The following FRMD6 variants were observed in gnomAD, a reference collection of about 807,000 sequenced individuals.
The protein encoded by FRMD6 is FERM domain-containing protein 6.
Under a neutral mutation model 73.2 loss-of-function variants are expected in FRMD6, and 37 were observed. The observed-to-expected ratio is 0.51, with a 90% CI of 0.39 to 0.66. FRMD6 has a LOEUF of 0.66. Ranked by LOEUF, FRMD6 falls within the 30% of genes least tolerant of loss-of-function variation. The pLI is 0.00. For synonymous variants in FRMD6, 273 were observed against 282.2 expected, an observed-to-expected ratio of 0.97 and a Z score of 0.33; for missense variants, 714 against 780.5, an observed-to-expected ratio of 0.91 and a Z score of 1.02.
the FRMD6 span, among the ~76,000 whole-genome samples, chr14:51,419,053 G>A: frequency 3.9e-5 from 6 of 152,170 alleles, no homozygotes; most frequent in African/African-American, 2.4e-5. Flanking sequence ...TATTTGGGTG[G>A]GAGTGTCCTG....
At chr14:51,676,816 C>G (rs995645016) in intron 1 of FRMD6, among the ~76,000 whole-genome samples, 7 of 152,120 alleles carry the variant, frequency 4.6e-5, no homozygotes, top group Admixed American at 1.3e-4. Flanking sequence ...CATCCTACCT[C>G]CAGCCTCCCC....
chr14:51,469,130 C>T, the FRMD6 span, among the ~76,000 whole-genome samples: 4 of 151,432 alleles, frequency 2.6e-5, no homozygotes, highest in African/African-American at 4.8e-5. Context: ...TTAGTAGAGA[C>T]GGGGTTTCAC....
At chr14:51,479,433 G>A in the FRMD6 span, among the ~76,000 whole-genome samples, 1 of 152,146 alleles carries the variant, frequency 6.6e-6, no homozygotes, top group African/African-American at 2.4e-5. Flanking sequence ...AGCTGTGTAG[G>A]AGGCACAGGA....
intron 1 of FRMD6, among the ~76,000 whole-genome samples, chr14:51,672,935 G>A (rs999606671): frequency 6.6e-6 from 1 of 152,066 alleles, no homozygotes; most frequent in Non-Finnish European, 1.5e-5. Flanking sequence ...GCATTAAAGA[G>A]TTTGGACCTT....
chr14:51,603,000 C>T (rs564220144), intron 2 of FRMD6, among the ~76,000 whole-genome samples: 97 of 152,248 alleles, frequency 6.4e-4, no homozygotes, highest in African/African-American at 2.2e-3. Flanking sequence ...TCCTAACTCC[C>T]AAGGTATTAG....
At chr14:51,618,495 C>T (rs974552127) in intron 2 of FRMD6, among the ~76,000 whole-genome samples, 1 of 152,134 alleles carries the variant, frequency 6.6e-6, no homozygotes, top group Admixed American at 6.6e-5. Context: ...TGCGAGACTA[C>T]TGATGAGTGG....
chr14:51,462,727 C>A, the FRMD6 span, among the ~76,000 whole-genome samples: 2 of 149,598 alleles, frequency 1.3e-5, no homozygotes, highest in East Asian at 2.0e-4. Context: ...TTGTGAAGAC[C>A]CATAAGATCA....
chr14:51,706,295 T>G (rs1002699341), intron 6 of FRMD6, among the ~76,000 whole-genome samples: 90 of 152,110 alleles, frequency 5.9e-4, no homozygotes, highest in African/African-American at 2.1e-3. Context: ...CTGCTGTTTC[T>G]AGGTTCGTGT....
chr14:51,646,199 T>C (rs924761726), intron 2 of FRMD6, among the ~76,000 whole-genome samples: 4 of 151,194 alleles, frequency 2.6e-5, no homozygotes, highest in Admixed American at 1.3e-4. Context: ...GCGCCTGTAG[T>C]CTCGGCTACT....
chr14:51,669,925 A>G (rs1404288029), intron 1 of FRMD6, among the ~76,000 whole-genome samples: 2 of 151,892 alleles, frequency 1.3e-5, no homozygotes, highest in Non-Finnish European at 2.9e-5. Flanking sequence ...TAAGTTTTCT[A>G]TGACTTTTAG....
At chr14:51,439,743 C>T in the FRMD6 span, among the ~76,000 whole-genome samples, 7 of 152,228 alleles carry the variant, frequency 4.6e-5, no homozygotes, top group African/African-American at 1.4e-4. Flanking sequence ...AGGCTGTAGG[C>T]GTTTTTTGAG....
chr14:51,414,804 A>G, the FRMD6 span, among the ~76,000 whole-genome samples: 2 of 151,588 alleles, frequency 1.3e-5, no homozygotes, highest in Non-Finnish European at 3.0e-5. Context: ...ATGTTCTTCC[A>G]TTTGTGTCCT....
chr14:51,401,318 A>C, the FRMD6 span, among the ~76,000 whole-genome samples: 2 of 152,168 alleles, frequency 1.3e-5, no homozygotes, highest in Non-Finnish European at 2.9e-5. Flanking sequence ...AATTCAACCC[A>C]TTTTGTTTTA....
At chr14:51,510,273 T>C (rs1884222517) in intron 1 of FRMD6, among the ~76,000 whole-genome samples, 1 of 152,198 alleles carries the variant, frequency 6.6e-6, no homozygotes, top group Non-Finnish European at 1.5e-5. Flanking sequence ...GGCAGATAAC[T>C]TGAGCAAGGT....
At chr14:51,566,314 T>C (rs1373897785) in intron 1 of FRMD6, among the ~76,000 whole-genome samples, 1 of 152,230 alleles carries the variant, frequency 6.6e-6, no homozygotes. Flanking sequence ...GACACATACA[T>C]TTCCTCAGAG....
intron 1 of FRMD6, among the ~76,000 whole-genome samples, chr14:51,683,766 G>T (rs1894970823): frequency 6.6e-6 from 1 of 152,138 alleles, no homozygotes; most frequent in Non-Finnish European, 1.5e-5. Context: ...AGCAGGTGTT[G>T]TGGAATCCAG....
At chr14:51,583,734 T>C (rs1291991980) in intron 2 of FRMD6, among the ~76,000 whole-genome samples, 1 of 152,198 alleles carries the variant, frequency 6.6e-6, no homozygotes, top group African/African-American at 2.4e-5. Flanking sequence ...ACCATGTGTA[T>C]ACACTTTCTG....
chr14:51,420,310 A>G, the FRMD6 span, among the ~76,000 whole-genome samples: 4 of 152,236 alleles, frequency 2.6e-5, no homozygotes, highest in African/African-American at 7.2e-5. Flanking sequence ...TTTGGGCACT[A>G]TAACAACAAA....
intron 8 of FRMD6, 130 bp from the exon 9 acceptor site, chr14:51,712,353 C>T: frequency 1.6e-6 from 1 of 643,826 alleles, no homozygotes; most frequent in Non-Finnish European, 2.8e-6. Flanking sequence ...GTCTGTATTT[C>T]TCCAAAGAGA....
Sources: allele counts gnomAD v4.1 joint callset (sites outside exome capture counted in the v4.1 genomes callset), GRCh38; gene constraint gnomAD v4.1.1; transcripts MANE v1.5; gene names NCBI Gene and HGNC (gene_info 2026-07-23, HGNC 2026-07-21).